DIS3: variants seen among roughly 807,000 people sequenced by gnomAD.
The protein encoded by DIS3 is DIS3 exosome endoribonuclease and 3'-5' exoribonuclease, also known as exosome complex exonuclease RRP44.
Under a neutral mutation model 113.0 loss-of-function variants are expected in DIS3, and 103 were observed. The observed-to-expected ratio is 0.91, with a 90% CI of 0.78 to 1.07. The LOEUF (loss-of-function observed/expected upper bound fraction) is 1.07, where lower values mean the gene tolerates loss of function less well. Among genes scored for constraint, DIS3 ranks in the 50% least tolerant of loss-of-function variants. The pLI, the probability that DIS3 is intolerant of heterozygous loss-of-function variation, is 0.00. For synonymous variants in DIS3, 402 were observed against 394.3 expected (o/e 1.02, Z -0.23); for missense variants, 1,121 against 1,167.1 (o/e 0.96, Z 0.58).
intron 5 of DIS3, 42 bp downstream of exon 5, chr13:72,775,883 C>A: frequency 7.0e-7 from 1 of 1,434,806 alleles, no homozygotes; most frequent in South Asian, 1.3e-5. Flanking sequence ...TATAAAATAT[C>A]ATCTTTATTT....
rs1232112293 is a variant in DIS3, at chr13:72,756,109, A to G, written c.*3686T>C. On this transcript the variant is annotated 3_prime_UTR_variant, in exon 21 of 21. Transcript: ENST00000377767. Reference sequence around the variant, plus strand: ...GATGGGTATATAACAGTTTGGAAATACTATCTTTGGAGAATGTATTTTTGT... The same window carrying G: ...GATGGGTATATAACAGTTTGGAAATGCTATCTTTGGAGAATGTATTTTTGT... The G allele has an allele frequency of 2.5e-6, 1 of 396,182 alleles. No individual in the cohort carries two copies. The highest frequency in any genetic ancestry group is 4.4e-6 in the Non-Finnish European group (1 of 225,202). 24.5% of individuals were successfully genotyped at this position (396,182 alleles called of 1,614,324 possible). A position where few individuals can be genotyped will look rare whatever the true frequency, so the allele number is the denominator to read the frequency against.
intron 4 of DIS3, among the ~76,000 whole-genome samples, chr13:72,776,735 C>T (rs1438295677): frequency 6.6e-6 from 1 of 152,102 alleles, no homozygotes; most frequent in Non-Finnish European, 1.5e-5. Flanking sequence ...AAAATGAATG[C>T]TCAGAATTTA....
At position 72,763,618 on chromosome 13, in the gene DIS3, A is replaced by G; in HGVS notation, c.1971-11T>C. 1 of 1,606,664 alleles carries G rather than the reference A, an allele frequency of 6.2e-7. No individual in the cohort carries two copies. Among genetic ancestry groups the G allele is most frequent in the African/African-American group, 1.3e-5 (1 of 74,610 alleles). ...ATGGAATTTGTTTCCCTGCCAATGG[A>G]AAAAGCATTAAACAAACAAAAAAGA... is the stretch of plus-strand genomic sequence containing the variant. On this transcript the variant is annotated splice_polypyrimidine_tract_variant and intron_variant, in intron 15 of 20. Coordinates refer to ENST00000377767, the MANE Select transcript of DIS3 (RefSeq NM_014953.5).
intron 10 of DIS3, 45 bp from the exon 11 acceptor site, chr13:72,771,941 T>C (rs2033895780): frequency 6.4e-7 from 1 of 1,566,672 alleles, no homozygotes; most frequent in South Asian, 1.1e-5. Context: ...CTTGACTGGG[T>C]AAATGTACCT....
At position 72,778,388 on chromosome 13, in the gene DIS3, G is replaced by T. The variant is rs751788193; in HGVS notation, c.387-8C>A. On this transcript the variant is annotated splice_region_variant and splice_polypyrimidine_tract_variant and intron_variant, in intron 2 of 20. Coordinates refer to ENST00000377767, the MANE Select transcript of DIS3 (RefSeq NM_014953.5). ...TGTTCTACATAGGTTTCTCTAAATG[G>T]AAAGAAAAAACGAAATAAAAGGAAA... 9 of 1,525,052 alleles carry T rather than the reference G, an allele frequency of 5.9e-6. No individual in the cohort carries two copies. The South Asian group carries it at 1.1e-4, about 19-fold the overall frequency. The allele number at this position is 1,525,052 out of a possible 1,614,324, so 94.5% of individuals were successfully genotyped here.
intron 14 of DIS3, 86 bp from the exon 15 acceptor site, chr13:72,766,144 T>G: frequency 8.8e-7 from 1 of 1,133,490 alleles, no homozygotes. Context: ...AAAAAGACAA[T>G]GACTACAGCA....
chr13:72,771,203 A>G, intron 11 of DIS3, 58 bp from the exon 12 acceptor site: 3 of 1,348,932 alleles, frequency 2.2e-6, no homozygotes, highest in Non-Finnish European at 3.1e-6. Context: ...CATTTATGTG[A>G]GGTTCTATTC....
chr13:72,772,653 T>C (rs745363699), intron 9 of DIS3, 40 bp downstream of exon 9: 3 of 1,569,196 alleles, frequency 1.9e-6, no homozygotes, highest in African/African-American at 2.7e-5. Context: ...AGGCAGGATA[T>C]AATAATTTAT....
chr13:72,775,295 C>T lies in DIS3; in HGVS notation c.903G>A (p.Gln301=). Residue 301 remains glutamine, a synonymous_variant, in exon 6 of 21, where the codon CAG becomes CAA. Coordinates refer to ENST00000377767, the MANE Select transcript of DIS3 (RefSeq NM_014953.5). The stretch of plus-strand genomic sequence containing the variant: ...AAACCACAGAAGATGGTGCTACCCA[C>T]TGACTCTTGGGGAGAAGCTCCACAG... ...IVAVELLPKS[Q]WVAPSSVVLH... 1 of 1,613,820 alleles carries T rather than the reference C, an allele frequency of 6.2e-7. No homozygotes were observed. Among genetic ancestry groups the T allele is most frequent in the Non-Finnish European group, 8.5e-7 (1 of 1,179,772 alleles).
chr13:72,772,734 GAA>G lies in DIS3; in HGVS notation c.1343_1344del (p.Val448AlafsTer2), dbSNP rs1435425043. On this transcript the variant is annotated frameshift_variant, in exon 9 of 21. Transcript: ENST00000377767. LOFTEE classifies it high-confidence loss of function. ...CAGGGCATCTTTGGCAGAAAACTAA[GAA>G]CAGCCTGTGAAAAAGGCTGATGGGG... ...DVPHQPFSQA[V>X]LSFLPKMPWS... The G allele has an allele frequency of 6.2e-7, 1 of 1,612,932 alleles. No homozygotes were observed. Among genetic ancestry groups the G allele is most frequent in the Admixed American group, 1.7e-5 (1 of 59,634 alleles).
chr13:72,775,246 C>T lies in DIS3; in HGVS notation c.952G>A (p.Glu318Lys). 6.2e-7 allele frequency: 1 copy of T among 1,613,418 alleles called. No homozygotes were observed. Among genetic ancestry groups the T allele is most frequent in the South Asian group, 1.1e-5 (1 of 90,950 alleles). The change falls in exon 6 of 21, where the codon GAA becomes AAA. Residue 318 changes from glutamate to lysine, a missense_variant. Glu to Lys is a moderately conservative substitution (Grantham distance 56). This residue lies in a region of DIS3 where 861 missense variants were observed against 915.5 expected (regional missense o/e 0.94). Coordinates refer to ENST00000377767, the MANE Select transcript of DIS3 (RefSeq NM_014953.5). ...GTCTCTTCTTCTTTCTCCACATCTT[C>T]TTCATTTTGACCTTCATCATGTAAA... ...VVLHDEGQNE[E>K]DVEKEEETER...
In DIS3 at chr13:72,779,439, G is replaced by A. The variant is rs144362303; in HGVS notation, c.387-1059C>T. Among the ~76,000 whole-genome samples the A allele has an allele frequency of 7.6e-3, 1,157 of 152,210 alleles. 14 individuals carry two copies. Among genetic ancestry groups the A allele is most frequent in the Middle Eastern group, 0.014 (4 of 294 alleles). On this transcript the variant is annotated intron_variant, in intron 2 of 20. Coordinates refer to ENST00000377767, the MANE Select transcript of DIS3 (RefSeq NM_014953.5). Reference sequence around the variant, plus strand: ...AGCTGCTAATGTTTTAAGCTCATCAGTGAAAGACACAGTCATAAATTTTTG... The same window carrying A: ...AGCTGCTAATGTTTTAAGCTCATCAATGAAAGACACAGTCATAAATTTTTG...
intron 6 of DIS3, among the ~76,000 whole-genome samples, chr13:72,774,716 A>G (rs894966802): frequency 2.0e-5 from 3 of 152,126 alleles, no homozygotes; most frequent in Non-Finnish European, 4.4e-5. Flanking sequence ...GAAATAGGCC[A>G]TATCAAGTAG....
At chr13:72,771,993 A>G in intron 10 of DIS3, 97 bp from the exon 11 acceptor site, 2 of 1,385,500 alleles carry the variant, frequency 1.4e-6, no homozygotes, top group Admixed American at 4.1e-5. Context: ...AATTTAAAAA[A>G]GACTCAGTCA....
Position 72,752,183 on chromosome 13 carries a change from C to A in DIS3, c.*7612G>T, listed in dbSNP as rs1400572387. ...TTAGAACCAAGTTTGAATTAGAGTTCTTTTATTTCCAGGCTGTGGGATCTT... is the reference window on the plus strand; with the variant it reads ...TTAGAACCAAGTTTGAATTAGAGTTATTTTATTTCCAGGCTGTGGGATCTT... On this transcript the variant is annotated 3_prime_UTR_variant, in exon 21 of 21. Transcript: ENST00000377767. 3 of 152,300 alleles carry A rather than the reference C, an allele frequency of 2.0e-5. No homozygotes were observed. The highest frequency in any genetic ancestry group is 1.9e-4 in the East Asian group (1 of 5,180). 9.4% of individuals were successfully genotyped at this position (152,300 alleles called of 1,614,324 possible). A position where few individuals can be genotyped will look rare whatever the true frequency, so the allele number is the denominator to read the frequency against.
At position 72,758,871 on chromosome 13, in the gene DIS3, C is replaced by G. The variant is rs1378247231; in HGVS notation, c.*924G>C. On this transcript the variant is annotated 3_prime_UTR_variant, in exon 21 of 21. Coordinates refer to ENST00000377767, the MANE Select transcript of DIS3 (RefSeq NM_014953.5). ...GTAAAATGTTTTAAGGCAACCCTAT[C>G]CCAAAATATTCCTGAAGATATTAAT... The G allele has an allele frequency of 5.4e-6, 1 of 185,190 alleles. No homozygotes were observed. Among genetic ancestry groups the G allele is most frequent in the Non-Finnish European group, 1.1e-5 (1 of 87,456 alleles). The allele number at this position is 185,190 out of a possible 1,614,324, so 11.5% of individuals were successfully genotyped here.
chr13:72,767,422 T>A (rs777166437), intron 14 of DIS3, among the ~76,000 whole-genome samples: 2 of 151,890 alleles, frequency 1.3e-5, no homozygotes, highest in Non-Finnish European at 2.9e-5. Flanking sequence ...AATTCAATTA[T>A]CTTCTTCTTA....
Position 72,758,166 on chromosome 13 carries a change from A to T in DIS3, c.*1629T>A, listed in dbSNP as rs774363817. On this transcript the variant is annotated 3_prime_UTR_variant, in exon 21 of 21. Transcript: ENST00000377767. ...GATATGTTTAGATACACAAATACTTAGCACTGTGTTACAACCGCCTACAGT... is the reference window on the plus strand; with the variant it reads ...GATATGTTTAGATACACAAATACTTTGCACTGTGTTACAACCGCCTACAGT... 5 of 180,676 alleles carry T rather than the reference A, an allele frequency of 2.8e-5. No homozygotes were observed. The highest frequency in any genetic ancestry group is 4.7e-5 in the African/African-American group (2 of 42,364). The allele number at this position is 180,676 out of a possible 1,614,324, so 11.2% of individuals were successfully genotyped here. A position where few individuals can be genotyped will look rare whatever the true frequency, so the allele number is the denominator to read the frequency against.
chr13:72,778,852 T>C (rs1392930788), intron 2 of DIS3, among the ~76,000 whole-genome samples: 4 of 152,184 alleles, frequency 2.6e-5, no homozygotes, highest in Non-Finnish European at 5.9e-5. Flanking sequence ...AAATTATCCA[T>C]GGTAAACACT....
Sources: gnomAD v4.1 joint callset for allele counts (sites outside exome capture counted in the v4.1 genomes callset) on GRCh38, gnomAD v4.1.1 for gene constraint, gnomAD v4.1.1 regional missense constraint, MANE v1.5 for transcripts, NCBI Gene and HGNC (gene_info 2026-07-23, HGNC 2026-07-21) for gene names.